The following ITGBL1 variants were observed in gnomAD, a reference collection of about 807,000 sequenced individuals.
ITGBL1 encodes integrin beta-like protein 1.
A neutral mutation model predicts 68.5 loss-of-function variants in ITGBL1; 51 were observed. That is an observed-to-expected ratio of 0.74 (90% CI 0.59 to 0.94). The LOEUF (loss-of-function observed/expected upper bound fraction) is 0.94, where lower values mean the gene tolerates loss of function less well. Among genes scored for constraint, ITGBL1 ranks in the 40% least tolerant of loss-of-function variants. ITGBL1 has a pLI of 0.00. For missense variants in ITGBL1, 649 were observed against 647.4 expected (o/e 1.00, Z -0.03); for synonymous variants, 209 against 227.3 (o/e 0.92, Z 0.72).
intron 6 of ITGBL1, among the ~76,000 whole-genome samples, chr13:101,591,661 T>A (rs1409710739): frequency 6.6e-6 from 1 of 152,232 alleles, no homozygotes; most frequent in Non-Finnish European, 1.5e-5. Flanking sequence ...TAAAATGGTC[T>A]AGTCTTTACT....
intron 2 of ITGBL1, among the ~76,000 whole-genome samples, chr13:101,471,244 T>C (rs1208930940): frequency 6.6e-6 from 1 of 152,186 alleles, no homozygotes; most frequent in Non-Finnish European, 1.5e-5. Flanking sequence ...GATTTGCTTG[T>C]GCCTCTGTTT....
chr13:101,613,292 GTTCATTCA>G (rs376038528), intron 7 of ITGBL1, among the ~76,000 whole-genome samples: 2 of 151,964 alleles, frequency 1.3e-5, no homozygotes, highest in Non-Finnish European at 2.9e-5. Context: ...CAAGGTCAAC[GTTCATTCA>G]TTCATTCATT....
chr13:101,562,936 TATC>T (rs1442265743), intron 2 of ITGBL1, among the ~76,000 whole-genome samples: 1 of 151,684 alleles, frequency 6.6e-6, no homozygotes, highest in Non-Finnish European at 1.5e-5. Flanking sequence ...GAAACTGTAT[TATC>T]ATATAATAAT....
At chr13:101,542,689 C>CT (rs2049732553) in intron 2 of ITGBL1, among the ~76,000 whole-genome samples, 1 of 152,260 alleles carries the variant, frequency 6.6e-6, no homozygotes, top group Middle Eastern at 3.4e-3. Flanking sequence ...GTGTGGGAGT[C>CT]TAAGTTTCTT....
intron 6 of ITGBL1, among the ~76,000 whole-genome samples, chr13:101,590,815 A>G (rs2050638961): frequency 6.6e-6 from 1 of 152,164 alleles, no homozygotes; most frequent in African/African-American, 2.4e-5. Context: ...TAAAATCATT[A>G]TTTATATAGG....
intron 2 of ITGBL1, among the ~76,000 whole-genome samples, chr13:101,479,419 C>T (rs920105683): frequency 6.6e-6 from 1 of 152,040 alleles, no homozygotes; most frequent in Non-Finnish European, 1.5e-5. Context: ...TTGAGTAATA[C>T]CCCACAAGCA....
chr13:101,527,001 A>G (rs1566716226), intron 2 of ITGBL1, among the ~76,000 whole-genome samples: 1 of 152,086 alleles, frequency 6.6e-6, no homozygotes, highest in Admixed American at 6.6e-5. Flanking sequence ...TTTCCAGAAT[A>G]TTTTTAAAGC....
chr13:101,576,883 A>G (rs933757757), intron 4 of ITGBL1, among the ~76,000 whole-genome samples: 1 of 152,098 alleles, frequency 6.6e-6, no homozygotes, highest in African/African-American at 2.4e-5. Context: ...TAATTAGATC[A>G]ATTAGACAAA....
chr13:101,651,420 A>T (rs2032745870), intron 7 of ITGBL1, among the ~76,000 whole-genome samples: 1 of 152,150 alleles, frequency 6.6e-6, no homozygotes, highest in African/African-American at 2.4e-5. Flanking sequence ...TCTAATGATC[A>T]GTGATGTTGA....
chr13:101,720,530 C>CTGTGTGTGTGTGTGTG (rs56200654), downstream of ITGBL1: 13 of 147,572 alleles, frequency 8.8e-5, no homozygotes, highest in African/African-American at 3.0e-4. Flanking sequence ...GGTGTTTGCT[C>CTGTGTGTGTGTGTGTG]TGTGTGTGTG....
intron 2 of ITGBL1, among the ~76,000 whole-genome samples, chr13:101,564,289 G>A (rs1421621292): frequency 2.0e-5 from 3 of 152,026 alleles, no homozygotes; most frequent in East Asian, 3.9e-4. Flanking sequence ...AGAAGAATAA[G>A]CCTAGAGTTA....
At chr13:101,606,606 T>TA (rs11465037) in intron 7 of ITGBL1, among the ~76,000 whole-genome samples, 151,770 of 151,792 alleles carry the variant, frequency 1, 75,874 homozygotes, top group Middle Eastern at 1. Flanking sequence ...GACTTTGGTT[T>TA]AAAAAAATGT....
chr13:101,492,023 A>G lies in ITGBL1; in HGVS notation c.316+37923A>G, dbSNP rs778173553. 3.9e-5 allele frequency among the ~76,000 whole-genome samples: 6 copies of G among 152,284 alleles called. No homozygotes were observed. The East Asian group carries it at 1.2e-3, about 29-fold the overall frequency. The stretch of plus-strand genomic sequence containing the variant: ...TATATGTGCCATATTTTCTATATCC[A>G]GTCTATCATTGATGGGCATTTGGGT... On this transcript the variant is annotated intron_variant, in intron 2 of 10. Transcript: ENST00000376180.
At chr13:101,556,091 T>C (rs986198840) in intron 2 of ITGBL1, among the ~76,000 whole-genome samples, 5 of 152,184 alleles carry the variant, frequency 3.3e-5, no homozygotes, top group African/African-American at 7.2e-5. Context: ...TACTGACTTA[T>C]TCCATACATT....
chr13:101,496,331 G>A (rs1285068608), intron 2 of ITGBL1, among the ~76,000 whole-genome samples: 2 of 152,126 alleles, frequency 1.3e-5, no homozygotes, highest in South Asian at 2.1e-4. Context: ...CTCTGATCCT[G>A]TAAGTCATTT....
At chr13:101,674,440 G>T (rs74122620) in intron 7 of ITGBL1, among the ~76,000 whole-genome samples, 292 of 152,188 alleles carry the variant, frequency 1.9e-3, no homozygotes, top group African/African-American at 4.0e-3. Context: ...ACCTCTCTCT[G>T]TTCTGTTATT....
intron 7 of ITGBL1, among the ~76,000 whole-genome samples, chr13:101,644,487 A>G (rs547629914): frequency 5.9e-5 from 9 of 152,304 alleles, no homozygotes; most frequent in African/African-American, 2.2e-4. Flanking sequence ...TAAGTAGGAT[A>G]TCCTCAGATT....
chr13:101,575,670 T>C, intron 4 of ITGBL1, 124 bp downstream of exon 4: 2 of 936,848 alleles, frequency 2.1e-6, no homozygotes, highest in South Asian at 1.6e-5. Context: ...CCTATGTTTA[T>C]CTGGAAAACA....
intron 2 of ITGBL1, among the ~76,000 whole-genome samples, chr13:101,501,472 G>A (rs2048939405): frequency 6.6e-6 from 1 of 152,134 alleles, no homozygotes; most frequent in African/African-American, 2.4e-5. Flanking sequence ...CCAAGGAAGA[G>A]CTTTCCTTTC....
Sources: gnomAD v4.1 joint callset for allele counts (sites outside exome capture counted in the v4.1 genomes callset) on GRCh38, gnomAD v4.1.1 for gene constraint, MANE v1.5 for transcripts, NCBI Gene and HGNC (gene_info 2026-07-23, HGNC 2026-07-21) for gene names.